Variants in FUT8 observed in about 807,000 individuals in gnomAD.
The protein encoded by FUT8 is alpha-(1,6)-fucosyltransferase.
In FUT8, 29 loss-of-function variants were observed where a neutral mutation model predicts 71.3. The ratio of observed to expected loss-of-function variants is 0.41; its 90% CI spans 0.30 to 0.55. The LOEUF (loss-of-function observed/expected upper bound fraction) is 0.55. Among genes scored for constraint, FUT8 ranks in the 20% least tolerant of loss-of-function variants. The pLI is 0.34. For synonymous variants in FUT8, 254 were observed against 239.3 expected, an observed-to-expected ratio of 1.06 and a Z score of -0.57; for missense variants, 544 against 702.1, an observed-to-expected ratio of 0.77 and a Z score of 2.55.
intron 10 of FUT8, among the ~76,000 whole-genome samples, chr14:65,740,241 T>C (rs1430047104): frequency 6.6e-6 from 1 of 152,102 alleles, no homozygotes; most frequent in Non-Finnish European, 1.5e-5. Context: ...TTTGGTTCTA[T>C]ATCTAGTTGA....
rs571244715 is a variant in FUT8, at chr14:65,582,358, G to A, written c.203+20592G>A. On this transcript the variant is annotated intron_variant, in intron 3 of 10. Coordinates refer to ENST00000673929, the MANE Select transcript of FUT8 (RefSeq NM_001371533.1). ...TTTTAGACAAATTTATAATGTTGGC[G>A]TTTCGTGATCTCTGTTCACCTCATT... 3.3e-5 allele frequency among the ~76,000 whole-genome samples: 5 copies of A among 152,010 alleles called. No individual in the cohort carries two copies. The South Asian group carries it at 6.2e-4, about 19-fold the overall frequency.
At chr14:65,737,384 A>G (rs1162802158) in intron 10 of FUT8, among the ~76,000 whole-genome samples, 2 of 152,116 alleles carry the variant, frequency 1.3e-5, no homozygotes, top group Non-Finnish European at 2.9e-5. Context: ...AAGTACGTCA[A>G]GTGAATTTTG....
intron 2 of FUT8, among the ~76,000 whole-genome samples, chr14:65,458,358 A>G (rs1453506519): frequency 1.3e-5 from 2 of 152,210 alleles, no homozygotes; most frequent in Non-Finnish European, 2.9e-5. Context: ...ATTCTATATT[A>G]AAAACATACT....
intron 3 of FUT8, among the ~76,000 whole-genome samples, chr14:65,604,398 G>A (rs1054326551): frequency 2.0e-5 from 3 of 151,818 alleles, no homozygotes; most frequent in Non-Finnish European, 2.9e-5. Flanking sequence ...ATTATATCAA[G>A]TACTCTCTTA....
At chr14:65,506,892 C>T (rs962981678) in intron 2 of FUT8, among the ~76,000 whole-genome samples, 3 of 152,222 alleles carry the variant, frequency 2.0e-5, no homozygotes, top group Non-Finnish European at 4.4e-5. Context: ...GACCCTGACC[C>T]GGCCACGGAT....
In FUT8 at chr14:65,607,098, C is replaced by T. The variant is rs185674689; in HGVS notation, c.204-8880C>T. 2.6e-5 allele frequency among the ~76,000 whole-genome samples: 4 copies of T among 151,838 alleles called. No individual in the cohort carries two copies. Among genetic ancestry groups the T allele is most frequent in the Admixed American group, 6.6e-5 (1 of 15,242 alleles). ...GTGATGTCCCTGAACTTTATTAGTA[C>T]GATTTGTAGATTATCTTGGATTTTC... On this transcript the variant is annotated intron_variant, in intron 3 of 10. Coordinates refer to ENST00000673929, the MANE Select transcript of FUT8 (RefSeq NM_001371533.1). This position sits in a 1 kb window ranked among gnomAD's most constrained non-coding sequence, Gnocchi z 4.1.
the FUT8 span, among the ~76,000 whole-genome samples, chr14:65,369,867 A>G: frequency 0.063 from 9,602 of 152,226 alleles, 574 homozygotes; most frequent in East Asian, 0.2. The surrounding 1 kb of genome is among the most constrained non-coding windows in gnomAD (Gnocchi z 4.6). Flanking sequence ...TGATCTGTCT[A>G]TGGAGTAGCC....
chr14:65,715,518 A>C (rs1048940964), intron 7 of FUT8, among the ~76,000 whole-genome samples: 3 of 151,926 alleles, frequency 2.0e-5, no homozygotes, highest in Admixed American at 1.3e-4. Context: ...GATTTGCTCT[A>C]GTTTTGTGGT....
At position 65,413,044 on chromosome 14, in the gene FUT8, A is replaced by AGCG. The variant is rs1393727602; in HGVS notation, c.-485_-483dup. 2 of 153,040 alleles carry AGCG rather than the reference A, an allele frequency of 1.3e-5. No homozygotes were observed. Among genetic ancestry groups the AGCG allele is most frequent in the Admixed American group, 6.5e-5 (1 of 15,292 alleles). 9.5% of individuals were successfully genotyped at this position (153,040 alleles called of 1,614,324 possible). On this transcript the variant is annotated 5_prime_UTR_variant, in exon 1 of 11. Transcript: ENST00000673929. This position sits in a 1 kb window ranked among gnomAD's most constrained non-coding sequence, Gnocchi z 4.1. ...GTCAGTGGCGCCGAAGGCTCCGTTA[A>AGCG]GCGGCGGCGGCGGTTCCTGTTTCCG...
chr14:65,364,466 G>T, the FUT8 span, among the ~76,000 whole-genome samples: 3 of 152,196 alleles, frequency 2.0e-5, no homozygotes, highest in African/African-American at 4.8e-5. Flanking sequence ...GCCTCCCAAA[G>T]TGCTGGAATT....
chr14:65,426,337 T>TC (rs1181067172), intron 1 of FUT8, among the ~76,000 whole-genome samples: 1 of 152,008 alleles, frequency 6.6e-6, no homozygotes, highest in Non-Finnish European at 1.5e-5. Flanking sequence ...AGTTTTTTTT[T>TC]TTTTTTTGCT....
In FUT8 at chr14:65,680,500, A is replaced by T. The variant is rs372127910; in HGVS notation, c.835+11020A>T. The stretch of plus-strand genomic sequence containing the variant: ...CCCTTTTGTCTAAAATCAATCAGTA[A>T]TATATGGATCTATTTCTGGTTTCTC... On this transcript the variant is annotated intron_variant, in intron 7 of 10. Transcript: ENST00000673929. 1.2e-4 allele frequency among the ~76,000 whole-genome samples: 19 copies of T among 152,270 alleles called. 3 individuals are homozygous for T. The highest frequency in any genetic ancestry group is 4.3e-4 in the African/African-American group (18 of 41,550).
chr14:65,599,313 GT>G (rs1440664522), intron 3 of FUT8, among the ~76,000 whole-genome samples: 2 of 152,092 alleles, frequency 1.3e-5, no homozygotes, highest in Non-Finnish European at 2.9e-5. Flanking sequence ...GCATTACCAT[GT>G]TTCCCCCCAT....
chr14:65,543,789 C>T (rs1884828052), intron 2 of FUT8, among the ~76,000 whole-genome samples: 1 of 152,098 alleles, frequency 6.6e-6, no homozygotes, highest in African/African-American at 2.4e-5. Context: ...CAGTGGTTTC[C>T]TCTCTCTTAA....
the FUT8 span, among the ~76,000 whole-genome samples, chr14:65,397,897 T>C: frequency 6.6e-6 from 1 of 152,258 alleles, no homozygotes; most frequent in African/African-American, 2.4e-5. The surrounding 1 kb of genome is among the most constrained non-coding windows in gnomAD (Gnocchi z 4.2). Context: ...CTCTTGTTTA[T>C]ATCAATTAGC....
At chr14:65,700,271 C>A (rs1463460459) in intron 7 of FUT8, among the ~76,000 whole-genome samples, 1 of 151,538 alleles carries the variant, frequency 6.6e-6, no homozygotes, top group Admixed American at 6.6e-5. Flanking sequence ...CCAAACATTT[C>A]ATCTCTGACT....
chr14:65,644,071 A>G (rs1303921628), intron 6 of FUT8, among the ~76,000 whole-genome samples: 6 of 152,120 alleles, frequency 3.9e-5, no homozygotes, highest in Admixed American at 1.3e-4. Context: ...CCAAGACTCA[A>G]GATGGAATTT....
intron 9 of FUT8, among the ~76,000 whole-genome samples, chr14:65,731,429 A>G (rs1484035272): frequency 2.0e-5 from 3 of 152,234 alleles, no homozygotes; most frequent in African/African-American, 7.2e-5. Context: ...CTGAAACCTC[A>G]AGGTAGAAGA....
chr14:65,626,682 AT>A (rs1273401128), intron 5 of FUT8, among the ~76,000 whole-genome samples: 1 of 152,130 alleles, frequency 6.6e-6, no homozygotes, highest in Non-Finnish European at 1.5e-5. Context: ...AGGTGTACCT[AT>A]TTATTGTTGT....
Sources: allele counts gnomAD v4.1 joint callset (sites outside exome capture counted in the v4.1 genomes callset), GRCh38; gene constraint gnomAD v4.1.1; non-coding constraint Gnocchi (gnomAD v3.1); transcripts MANE v1.5; gene names NCBI Gene and HGNC (gene_info 2026-07-23, HGNC 2026-07-21).